Variants in EGFR observed in about 807,000 individuals in gnomAD.
EGFR encodes the protein epidermal growth factor receptor, also known as avian erythroblastic leukemia viral (v-erb-b) oncogene homolog.
Under a neutral mutation model 143.0 loss-of-function variants are expected in EGFR, and 58 were observed. That is an observed-to-expected ratio of 0.41 (90% CI 0.33 to 0.50). The LOEUF is 0.50. EGFR is among the 20% of genes least tolerant of loss of function. The probability of loss-of-function intolerance (pLI) is 0.39; values close to 1 mark genes in which losing one functional copy is unlikely to be tolerated. For missense variants in EGFR, 1,307 were observed against 1,579.0 expected, an observed-to-expected ratio of 0.83 and a Z score of 2.92; for synonymous variants, 613 against 594.4, an observed-to-expected ratio of 1.03 and a Z score of -0.45.
At chr7:55,053,757 G>T (rs368334195) in intron 1 of EGFR, among the ~76,000 whole-genome samples, 1 of 152,248 alleles carries the variant, frequency 6.6e-6, no homozygotes, top group Non-Finnish European at 1.5e-5. Flanking sequence ...CTGCTTTGTC[G>T]CAGGAACCTC....
chr7:55,056,301 T>C (rs1339755860), intron 1 of EGFR, among the ~76,000 whole-genome samples: 1 of 152,226 alleles, frequency 6.6e-6, no homozygotes, highest in East Asian at 1.9e-4. Flanking sequence ...TGATGTGTTC[T>C]AGTCAGGAAA....
At chr7:55,024,944 A>G (rs187227245) in intron 1 of EGFR, among the ~76,000 whole-genome samples, 1 of 152,334 alleles carries the variant, frequency 6.6e-6, no homozygotes, top group East Asian at 1.9e-4. Flanking sequence ...CACAAATGGA[A>G]GGGATTACTC....
intron 1 of EGFR, 49 bp downstream of exon 1, chr7:55,019,414 G>T: frequency 4.0e-6 from 5 of 1,252,834 alleles, no homozygotes; most frequent in Non-Finnish European, 5.2e-6. Context: ...ATCGCGCCCC[G>T]GACCCCGCAG....
intron 1 of EGFR, among the ~76,000 whole-genome samples, chr7:55,041,173 G>A (rs2128869343): frequency 6.6e-6 from 1 of 152,356 alleles, no homozygotes; most frequent in South Asian, 2.1e-4. Context: ...AGCACTTTGG[G>A]AGTCTGAGGC....
intron 1 of EGFR, among the ~76,000 whole-genome samples, chr7:55,111,412 T>C (rs1330334300): frequency 2.0e-5 from 3 of 152,090 alleles, no homozygotes; most frequent in East Asian, 3.9e-4. Context: ...TTTATTAGAC[T>C]TGGATTCCAG....
intron 4 of EGFR, among the ~76,000 whole-genome samples, chr7:55,147,510 CA>C (rs3063067): frequency 2.4e-3 from 324 of 137,626 alleles, no homozygotes; most frequent in African/African-American, 4.0e-3. Context: ...GCCCTCAGAA[CA>C]AAAAAAAAAA....
chr7:55,101,046 TCTC>T (rs1170481526), intron 1 of EGFR, among the ~76,000 whole-genome samples: 1 of 152,168 alleles, frequency 6.6e-6, no homozygotes, highest in African/African-American at 2.4e-5. Flanking sequence ...AGCTGATTCT[TCTC>T]CTCCCGCGGC....
At chr7:55,103,888 C>T (rs758201704) in intron 1 of EGFR, among the ~76,000 whole-genome samples, 1 of 152,220 alleles carries the variant, frequency 6.6e-6, no homozygotes, top group Non-Finnish European at 1.5e-5. Context: ...AGGCTCACAT[C>T]TTTTAATTCA....
intron 1 of EGFR, among the ~76,000 whole-genome samples, chr7:55,132,036 T>C (rs1310659842): frequency 2.6e-5 from 4 of 152,018 alleles, no homozygotes; most frequent in Non-Finnish European, 5.9e-5. Flanking sequence ...GTCTTTTTTT[T>C]TTTGAAAGAG....
chr7:55,040,118 A>C (rs1787817810), intron 1 of EGFR, among the ~76,000 whole-genome samples: 1 of 152,128 alleles, frequency 6.6e-6, no homozygotes, highest in Admixed American at 6.6e-5. Context: ...TCCAACAAGG[A>C]AAGTTGCTTA....
At chr7:55,028,166 G>A (rs992934669) in intron 1 of EGFR, among the ~76,000 whole-genome samples, 1 of 151,898 alleles carries the variant, frequency 6.6e-6, no homozygotes, top group East Asian at 1.9e-4. Context: ...CCAGTGCACA[G>A]CAGATGACGT....
At chr7:55,112,293 A>G (rs769256122) in intron 1 of EGFR, among the ~76,000 whole-genome samples, 3 of 152,234 alleles carry the variant, frequency 2.0e-5, no homozygotes, top group Non-Finnish European at 4.4e-5. Flanking sequence ...TCCCCTGCCC[A>G]AGCATTTCAA....
intron 1 of EGFR, among the ~76,000 whole-genome samples, chr7:55,101,416 G>T (rs1791818969): frequency 6.6e-6 from 1 of 152,222 alleles, no homozygotes; most frequent in Non-Finnish European, 1.5e-5. Context: ...GTGGAGCGAG[G>T]CTGAGTTCTG....
rs1787397906 is a variant in EGFR at position 55,191,628 on chromosome 7, C to T, written c.2470-91C>T. The T allele has an allele frequency of 8.9e-6, 14 of 1,570,702 alleles. No individual in the cohort carries two copies. The African/African-American group carries it at 1.9e-4, about 21-fold the overall frequency. On this transcript the variant is annotated intron_variant, in intron 20 of 27. Coordinates refer to ENST00000275493, the MANE Select transcript of EGFR (RefSeq NM_005228.5). ...CATAAGTCCTCGACGTGGAGAGGCT[C>T]AGAGCCTGGCATGAACATGACCCTG... is the stretch of plus-strand genomic sequence containing the variant.
chr7:55,170,250 C>T (rs1786276165), intron 15 of EGFR: 1 of 1,613,330 alleles, frequency 6.2e-7, no homozygotes, highest in Non-Finnish European at 8.5e-7. Context: ...TATAGTGTTA[C>T]ACCAGGGCTC....
intron 1 of EGFR, among the ~76,000 whole-genome samples, chr7:55,108,777 A>G (rs1322142889): frequency 6.6e-6 from 1 of 152,164 alleles, no homozygotes; most frequent in Non-Finnish European, 1.5e-5. Context: ...TTTAATCTGT[A>G]GGACTCCAGG....
intron 27 of EGFR, 131 bp downstream of exon 27, chr7:55,202,756 G>T: frequency 1.2e-6 from 1 of 831,978 alleles, no homozygotes; most frequent in Non-Finnish European, 2.0e-6. Flanking sequence ...CAGATTTGCA[G>T]ACACAGTGAA....
intron 4 of EGFR, among the ~76,000 whole-genome samples, chr7:55,147,725 ACT>A (rs10612331): frequency 0.014 from 2,088 of 152,210 alleles, 50 homozygotes; most frequent in African/African-American, 0.049. Flanking sequence ...CACACACAGA[ACT>A]CTTTTATCTT....
At chr7:55,163,197 C>G (rs375423469) in intron 13 of EGFR, among the ~76,000 whole-genome samples, 5 of 152,356 alleles carry the variant, frequency 3.3e-5, no homozygotes, top group African/African-American at 9.6e-5. Context: ...AGCCGTACAT[C>G]TGTTCTGTCT....
Sources: gnomAD v4.1 joint callset for allele counts (sites outside exome capture counted in the v4.1 genomes callset) on GRCh38, gnomAD v4.1.1 for gene constraint, MANE v1.5 for transcripts, NCBI Gene and HGNC (gene_info 2026-07-23, HGNC 2026-07-21) for gene names.